The following LINGO2 variants were observed in gnomAD, a reference collection of about 807,000 sequenced individuals.
The protein encoded by LINGO2 is leucine-rich repeat and immunoglobulin-like domain-containing nogo receptor-interacting protein 2.
LINGO2 carries 14 observed loss-of-function variants against 30.6 expected under a neutral mutation model. The observed-to-expected ratio is 0.46, with a 90% confidence interval of 0.30 to 0.72. The LOEUF is 0.72. Ranked by LOEUF, LINGO2 falls within the 30% of genes least tolerant of loss-of-function variation. LINGO2 has a pLI of 0.07. For synonymous variants in LINGO2, 317 were observed against 288.5 expected (o/e 1.10, Z -1.00); for missense variants, 729 against 751.7 (o/e 0.97, Z 0.35).
the LINGO2 span, among the ~76,000 whole-genome samples, chr9:28,872,924 TCTTCTACCTG>T: frequency 1.3e-5 from 2 of 152,144 alleles, no homozygotes; most frequent in African/African-American, 4.8e-5. Flanking sequence ...AAATGATGAT[TCTTCTACCTG>T]AGGATTAGGA....
At chr9:28,088,620 C>T (rs1975687) in intron 4 of LINGO2, among the ~76,000 whole-genome samples, 1 of 151,564 alleles carries the variant, frequency 6.6e-6, no homozygotes, top group African/African-American at 2.4e-5. Context: ...GCCTTTAGCA[C>T]GGGATTAAGA....
chr9:28,665,488 G>C (rs942082942), intron 1 of LINGO2, among the ~76,000 whole-genome samples: 1 of 152,034 alleles, frequency 6.6e-6, no homozygotes, highest in African/African-American at 2.4e-5. Flanking sequence ...CTTGCTATTT[G>C]GAGTGGTGAG....
chr9:28,987,815 T>C, the LINGO2 span, among the ~76,000 whole-genome samples: 1 of 152,336 alleles, frequency 6.6e-6, no homozygotes, highest in Middle Eastern at 3.4e-3. Context: ...GCACATATTG[T>C]TTAATTTCCA....
chr9:28,127,576 G>A (rs918934025), intron 4 of LINGO2, among the ~76,000 whole-genome samples: 3 of 152,216 alleles, frequency 2.0e-5, no homozygotes, highest in African/African-American at 7.2e-5. Context: ...AATAGAGGAT[G>A]CTTCCCATGG....
At chr9:28,027,728 A>G (rs1030698016) in intron 4 of LINGO2, among the ~76,000 whole-genome samples, 1 of 152,334 alleles carries the variant, frequency 6.6e-6, no homozygotes, top group Non-Finnish European at 1.5e-5. Context: ...TAAAGTATTT[A>G]GCACAATGAA....
chr9:28,851,551 T>A, the LINGO2 span, among the ~76,000 whole-genome samples: 1 of 152,050 alleles, frequency 6.6e-6, no homozygotes, highest in Admixed American at 6.6e-5. Flanking sequence ...ATTCACAGAA[T>A]CCAGGGATTA....
chr9:28,972,748 G>A, the LINGO2 span, among the ~76,000 whole-genome samples: 3 of 152,134 alleles, frequency 2.0e-5, no homozygotes. Flanking sequence ...ATTGCAGAAG[G>A]TGAAGGAGTA....
At chr9:27,956,018 C>CA (rs563318932) in intron 5 of LINGO2, among the ~76,000 whole-genome samples, 49 of 145,490 alleles carry the variant, frequency 3.4e-4, no homozygotes, top group Admixed American at 5.8e-4. Flanking sequence ...TGGCTCACTG[C>CA]AACCTCCGCC....
the LINGO2 span, among the ~76,000 whole-genome samples, chr9:29,197,795 G>A: frequency 1.3e-5 from 2 of 151,976 alleles, no homozygotes; most frequent in Non-Finnish European, 2.9e-5. Context: ...GTTTAAGCTG[G>A]AGCAATCTTT....
At chr9:28,583,031 T>C (rs1044067871) in intron 1 of LINGO2, among the ~76,000 whole-genome samples, 30 of 152,110 alleles carry the variant, frequency 2.0e-4, no homozygotes, top group African/African-American at 7.0e-4. Flanking sequence ...AATCATTAAA[T>C]GAGGGAAAAA....
intron 2 of LINGO2, among the ~76,000 whole-genome samples, chr9:28,454,512 A>G (rs924017825): frequency 3.3e-5 from 5 of 152,062 alleles, no homozygotes; most frequent in African/African-American, 1.2e-4. Flanking sequence ...GAGGAAGTCT[A>G]TACAAGAAAA....
rs1828369188 is a variant in LINGO2 at position 28,656,887 on chromosome 9, GCT to G, written c.-365+13311_-365+13312del. On this transcript the variant is annotated intron_variant, in intron 1 of 5. Transcript: ENST00000379992. Reference sequence around the variant, plus strand: ...TAGATAATTAAATAGCTTCACCCTTGCTCTCTCTCCTAGATCGTGCACACTGA... The same window carrying G: ...TAGATAATTAAATAGCTTCACCCTTGCTCTCTCCTAGATCGTGCACACTGA... Among the ~76,000 whole-genome samples the G allele has an allele frequency of 5.3e-5, 8 of 152,030 alleles. No homozygotes were observed. The South Asian group carries it at 1.5e-3, about 28-fold the overall frequency.
the LINGO2 span, among the ~76,000 whole-genome samples, chr9:28,705,087 T>C: frequency 3.7e-3 from 569 of 152,032 alleles, 6 homozygotes; most frequent in African/African-American, 0.013. Context: ...GCTAATTTTT[T>C]GTATTTTTTT....
intron 2 of LINGO2, among the ~76,000 whole-genome samples, chr9:28,381,860 T>C (rs1156950497): frequency 6.6e-6 from 1 of 152,128 alleles, no homozygotes; most frequent in Non-Finnish European, 1.5e-5. Flanking sequence ...GCCCTGTGAG[T>C]CAATAGGCTT....
the LINGO2 span, among the ~76,000 whole-genome samples, chr9:29,033,377 A>T: frequency 1.9e-5 from 2 of 107,336 alleles, no homozygotes; most frequent in Admixed American, 9.6e-5. Flanking sequence ...AAACTGCTTT[A>T]CTATATATAT....
At chr9:28,757,787 G>A in the LINGO2 span, among the ~76,000 whole-genome samples, 2 of 151,886 alleles carry the variant, frequency 1.3e-5, no homozygotes, top group Non-Finnish European at 2.9e-5. Context: ...CTCAGCTTCC[G>A]ACACAGTTCA....
intron 4 of LINGO2, among the ~76,000 whole-genome samples, chr9:28,262,965 A>C (rs546705355): frequency 6.6e-6 from 1 of 152,146 alleles, no homozygotes; most frequent in Non-Finnish European, 1.5e-5. Context: ...ACACACATTT[A>C]TTCCCTATTA....
At chr9:29,175,029 T>C in the LINGO2 span, among the ~76,000 whole-genome samples, 2 of 151,996 alleles carry the variant, frequency 1.3e-5, no homozygotes, top group Admixed American at 6.6e-5. Context: ...GGGAGGCCGA[T>C]GTGAGGGGAC....
At chr9:28,841,477 T>C in the LINGO2 span, among the ~76,000 whole-genome samples, 1 of 151,798 alleles carries the variant, frequency 6.6e-6, no homozygotes, top group Non-Finnish European at 1.5e-5. Context: ...ATTTAAGGCA[T>C]TATCCTAGGC....
Sources: gnomAD v4.1 joint callset for allele counts (sites outside exome capture counted in the v4.1 genomes callset) on GRCh38, gnomAD v4.1.1 for gene constraint, MANE v1.5 for transcripts, NCBI Gene and HGNC (gene_info 2026-07-23, HGNC 2026-07-21) for gene names.